Variants in CTNNA3 observed in about 807,000 individuals in gnomAD.
CTNNA3 encodes the protein catenin alpha-3.
Under a neutral mutation model 95.7 loss-of-function variants are expected in CTNNA3, and 76 were observed. The ratio of observed to expected loss-of-function variants is 0.79; its 90% CI spans 0.66 to 0.96. The LOEUF is 0.96. CTNNA3 is among the 40% of genes least tolerant of loss of function. The pLI is 0.00. For missense variants in CTNNA3, 1,191 were observed against 1,089.8 expected (o/e 1.09, Z -1.31); for synonymous variants, 431 against 374.4 (o/e 1.15, Z -1.74).
At chr10:67,333,076 G>T (rs942179799) in intron 5 of CTNNA3, among the ~76,000 whole-genome samples, 1 of 152,184 alleles carries the variant, frequency 6.6e-6, no homozygotes, top group Admixed American at 6.5e-5. Flanking sequence ...TTATCAAAGC[G>T]TACTGCAATG....
chr10:67,739,166 G>GA (rs1384970770), intron 1 of CTNNA3, among the ~76,000 whole-genome samples: 13 of 152,076 alleles, frequency 8.5e-5, no homozygotes, highest in Admixed American at 7.9e-4. Context: ...TGAAATGAAG[G>GA]AAAAAATGGT....
chr10:67,441,679 A>C (rs1202975802), intron 5 of CTNNA3, among the ~76,000 whole-genome samples: 1 of 152,182 alleles, frequency 6.6e-6, no homozygotes, highest in African/African-American at 2.4e-5. Context: ...GCTGAAGGAA[A>C]AAACTTTTAT....
chr10:67,317,150 C>T (rs1034178098), intron 5 of CTNNA3, among the ~76,000 whole-genome samples: 4 of 147,036 alleles, frequency 2.7e-5, no homozygotes, highest in Non-Finnish European at 4.5e-5. Context: ...CAGCACATAT[C>T]ATCGGGTTTT....
At chr10:67,747,700 T>C (rs903450015) in intron 1 of CTNNA3, among the ~76,000 whole-genome samples, 1 of 152,150 alleles carries the variant, frequency 6.6e-6, no homozygotes, top group African/African-American at 2.4e-5. Flanking sequence ...GAGTGCCTCT[T>C]CTCCTCCAAA....
intron 6 of CTNNA3, among the ~76,000 whole-genome samples, chr10:67,211,296 G>A (rs1864129074): frequency 6.6e-6 from 1 of 151,786 alleles, no homozygotes; most frequent in African/African-American, 2.4e-5. Context: ...ACTATAACTG[G>A]CTGCCAGAGT....
At chr10:67,310,578 G>A (rs544997947) in intron 5 of CTNNA3, among the ~76,000 whole-genome samples, 1 of 152,128 alleles carries the variant, frequency 6.6e-6, no homozygotes, top group Non-Finnish European at 1.5e-5. Flanking sequence ...ATTTATAAAG[G>A]AAAGAAATTA....
At chr10:67,289,003 A>G (rs1051907733) in intron 5 of CTNNA3, among the ~76,000 whole-genome samples, 4 of 152,194 alleles carry the variant, frequency 2.6e-5, no homozygotes, top group African/African-American at 9.7e-5. Flanking sequence ...CAAATTTTTT[A>G]TCAAGCACTC....
chr10:67,755,367 A>T (rs1332485453), intron 1 of CTNNA3, among the ~76,000 whole-genome samples: 1 of 152,212 alleles, frequency 6.6e-6, no homozygotes, highest in Non-Finnish European at 1.5e-5. Flanking sequence ...AAGGATGTAA[A>T]GAAAGGGAAG....
intron 10 of CTNNA3, among the ~76,000 whole-genome samples, chr10:66,563,225 C>T (rs1489350199): frequency 6.6e-6 from 1 of 152,058 alleles, no homozygotes; most frequent in Non-Finnish European, 1.5e-5. Flanking sequence ...ATCAGTCATA[C>T]ATACATTAGT....
At chr10:67,469,539 C>G (rs774774188) in intron 5 of CTNNA3, among the ~76,000 whole-genome samples, 14 of 144,990 alleles carry the variant, frequency 9.7e-5, no homozygotes, top group Non-Finnish European at 1.9e-4. Context: ...TGTTCTCACT[C>G]ATAAGCGGGA....
intron 7 of CTNNA3, among the ~76,000 whole-genome samples, chr10:67,092,208 G>A (rs1005862815): frequency 4.6e-5 from 7 of 151,870 alleles, no homozygotes; most frequent in African/African-American, 9.7e-5. Context: ...ACAACCTAGA[G>A]AGTTAGAAAA....
At chr10:66,532,863 A>T (rs1038212087) in intron 10 of CTNNA3, among the ~76,000 whole-genome samples, 1 of 152,062 alleles carries the variant, frequency 6.6e-6, no homozygotes, top group Non-Finnish European at 1.5e-5. Flanking sequence ...TTCCTCTCTC[A>T]TTGTTCATGC....
chr10:66,894,625 T>C (rs1360875758), intron 7 of CTNNA3, among the ~76,000 whole-genome samples: 1 of 152,092 alleles, frequency 6.6e-6, no homozygotes, highest in African/African-American at 2.4e-5. Flanking sequence ...GGAGTCTATA[T>C]ACTTACTGAA....
At chr10:67,383,552 C>A (rs1459239635) in intron 5 of CTNNA3, among the ~76,000 whole-genome samples, 1 of 152,152 alleles carries the variant, frequency 6.6e-6, no homozygotes, top group African/African-American at 2.4e-5. Context: ...TATGTAGTAC[C>A]AAAGACCAAC....
chr10:67,259,586 T>C (rs1389207134), intron 5 of CTNNA3, among the ~76,000 whole-genome samples: 2 of 152,174 alleles, frequency 1.3e-5, no homozygotes, highest in Non-Finnish European at 2.9e-5. Flanking sequence ...AATAAGATAA[T>C]ATGCATGTGA....
rs10687414 is a variant in CTNNA3 at position 66,020,668 on chromosome 10, A to ATTTTTT, written c.2160-31877_2160-31872dup. On this transcript the variant is annotated intron_variant, in intron 15 of 17. Transcript: ENST00000433211. ...GCCTAAACACTTGCTGATGATCTGA[A>ATTTTTT]TTTTTTTTTTTTTTTTTGAGATGGA... Among the ~76,000 whole-genome samples the ATTTTTT allele has an allele frequency of 2.4e-3, 322 of 136,692 alleles. 4 individuals are homozygous for ATTTTTT. The highest frequency in any genetic ancestry group is 7.6e-3 in the African/African-American group (277 of 36,440). The allele number at this position is 136,692 out of a possible 152,430, so 89.7% of individuals were successfully genotyped here.
intron 7 of CTNNA3, among the ~76,000 whole-genome samples, chr10:66,903,378 C>G (rs1845840124): frequency 6.6e-6 from 1 of 152,166 alleles, no homozygotes; most frequent in African/African-American, 2.4e-5. Flanking sequence ...GAATGTATCT[C>G]AGAATAATAG....
chr10:66,154,607 C>T (rs767086836), intron 13 of CTNNA3, among the ~76,000 whole-genome samples: 32 of 150,610 alleles, frequency 2.1e-4, no homozygotes, highest in Non-Finnish European at 3.3e-4. Flanking sequence ...ATGACAGTGG[C>T]TTCCACCAAC....
chr10:67,293,407 A>G (rs1245020642), intron 5 of CTNNA3, among the ~76,000 whole-genome samples: 1 of 152,220 alleles, frequency 6.6e-6, no homozygotes, highest in Admixed American at 6.5e-5. Flanking sequence ...ACAATTCCTT[A>G]CTAGACACTA....
Sources: gnomAD v4.1 joint callset for allele counts (sites outside exome capture counted in the v4.1 genomes callset) on GRCh38, gnomAD v4.1.1 for gene constraint, MANE v1.5 for transcripts, NCBI Gene and HGNC (gene_info 2026-07-23, HGNC 2026-07-21) for gene names.